Variants in C2orf81 observed in about 807,000 individuals in gnomAD.
C2orf81 encodes chromosome 2 open reading frame 81.
C2orf81 carries 5 observed loss-of-function variants against 7.9 expected under a neutral mutation model. That is an observed-to-expected ratio of 0.63 (90% confidence interval 0.33 to 1.33). The LOEUF (loss-of-function observed/expected upper bound fraction) is 1.33. Among genes scored for constraint, C2orf81 ranks in the 40% most tolerant of loss-of-function variants. C2orf81 has a pLI of 0.05. For missense variants in C2orf81, 781 were observed against 830.4 expected (o/e 0.94, Z 0.73); for synonymous variants, 346 against 367.4 (o/e 0.94, Z 0.66).
intron 1 of C2orf81, among the ~76,000 whole-genome samples, chr2:74,419,187 GA>G (rs556782931): frequency 5.7e-5 from 8 of 140,180 alleles, no homozygotes; most frequent in South Asian, 2.3e-4. Flanking sequence ...TCTCAAAAAA[GA>G]AAAAAAAAAC....
Position 74,414,609 on chromosome 2 carries a change from C to T in C2orf81, c.1568G>A (p.Arg523His), listed in dbSNP as rs369138816. 2.2e-5 allele frequency: 34 copies of T among 1,549,450 alleles called. No individual in the cohort carries two copies. In the African/African-American group the frequency reaches 4.0e-4, roughly 18 times the overall value. ...LLGELWAGRT[R>H]VPPQGLELAD... ...CAGCTCCAGACCCTGTGGAGGCACG[C>T]GGGTCCGGCCAGCCCACAGCTCGCC... The change falls in exon 3 of 3, where the codon CGC becomes CAC. Residue 523 changes from arginine (R) to histidine (H), a missense_variant. Coordinates refer to ENST00000684111, the MANE Select transcript of C2orf81 (RefSeq NM_001316764.3). This position sits in a 1 kb window ranked among gnomAD's most constrained non-coding sequence, Gnocchi z 5.3.
At chr2:74,419,939 T>C (rs552665325) in intron 1 of C2orf81, among the ~76,000 whole-genome samples, 29 of 152,184 alleles carry the variant, frequency 1.9e-4, no homozygotes, top group African/African-American at 6.3e-4. Flanking sequence ...GCCTGGCTAA[T>C]TTTTTTTCTA....
At chr2:74,420,079 A>T (rs1168431513) in intron 1 of C2orf81, among the ~76,000 whole-genome samples, 1 of 152,242 alleles carries the variant, frequency 6.6e-6, no homozygotes, top group Non-Finnish European at 1.5e-5. Context: ...AGAATTTGCA[A>T]TGGCATAAAG....
chr2:74,415,838 T>A lies in C2orf81; in HGVS notation c.339A>T (p.Ala113=), dbSNP rs1370982507. Residue 113 remains alanine, a synonymous_variant, in exon 3 of 3, where the codon GCA becomes GCT. Coordinates refer to ENST00000684111, the MANE Select transcript of C2orf81 (RefSeq NM_001316764.3). The surrounding 1 kb of genome is among the most constrained non-coding windows in gnomAD (Gnocchi z 5.5). Reference sequence around the variant, plus strand: ...CACCCCATGTGGGGTCCTCAGCTACTGCAGATTCTCCCTCGTCCCGGGCCA... The same window carrying A: ...CACCCCATGTGGGGTCCTCAGCTACAGCAGATTCTCCCTCGTCCCGGGCCA... ...RFLARDEGES[A]VAEDPTWGED... 2 of 1,551,514 alleles carry A rather than the reference T, an allele frequency of 1.3e-6. No homozygotes were observed. The highest frequency in any genetic ancestry group is 1.7e-4 in the Middle Eastern group (1 of 6,014).
chr2:74,415,754 C>G lies in C2orf81; in HGVS notation c.423G>C (p.Val141=), dbSNP rs1208862970. 6.4e-7 allele frequency: 1 copy of G among 1,551,500 alleles called. No homozygotes were observed. Among genetic ancestry groups the G allele is most frequent in the East Asian group, 2.4e-5 (1 of 40,936 alleles). ...TDSWAQGSVP[V]LHASTSEGLE... Reference sequence around the variant, plus strand: ...GGCCCTCCGAGGTGGACGCGTGCAGCACGGGCACTGAACCCTGAGCCCAGG... The same window carrying G: ...GGCCCTCCGAGGTGGACGCGTGCAGGACGGGCACTGAACCCTGAGCCCAGG... The change falls in exon 3 of 3, where the codon GTG becomes GTC. Residue 141 remains valine, a synonymous_variant. Coordinates refer to ENST00000684111, the MANE Select transcript of C2orf81 (RefSeq NM_001316764.3). This position sits in a 1 kb window ranked among gnomAD's most constrained non-coding sequence, Gnocchi z 5.5.
rs150192614 is a variant in C2orf81 at position 74,416,065 on chromosome 2, G to A, written c.195C>T (p.Ala65=). 3 of 1,549,364 alleles carry A rather than the reference G, an allele frequency of 1.9e-6. No individual in the cohort carries two copies. The highest frequency in any genetic ancestry group is 2.0e-5 in the Admixed American group (1 of 50,964). Residue 65 remains alanine, a synonymous_variant, in exon 2 of 3, where the codon GCC becomes GCT. Coordinates refer to ENST00000684111, the MANE Select transcript of C2orf81 (RefSeq NM_001316764.3). Reference sequence around the variant, plus strand: ...AGTCCATGACTCGAGCCAGCAAGTCGGCCAAGATGTCCCCTACGACGTCCT... The same window carrying A: ...AGTCCATGACTCGAGCCAGCAAGTCAGCCAAGATGTCCCCTACGACGTCCT... ...EGEDVVGDIL[A]DLLARVMDSA...
chr2:74,414,418 C>A lies in C2orf81; in HGVS notation c.1759G>T (p.Gly587Cys). ...TCTTTGTCCTCTTGTTCAGGCACAC[C>A]AGAGCTGAGCAACACCTGGGTGCTC... ...NRSTQVLLSS[G>C]VPEQEDKEGS... Residue 587 changes from glycine (G) to cysteine (C), a missense_variant, in exon 3 of 3, where the codon GGT becomes TGT. By Grantham distance (159) the Gly-to-Cys change is radical. Transcript: ENST00000684111. The surrounding 1 kb of genome is among the most constrained non-coding windows in gnomAD (Gnocchi z 5.3). 1 of 1,549,978 alleles carries A rather than the reference C, an allele frequency of 6.5e-7. No homozygotes were observed.
At position 74,416,227 on chromosome 2, in the gene C2orf81, C is replaced by T. The variant is rs1676465169; in HGVS notation, c.33G>A (p.Gln11=). MAHEGSRQER[Q]VRDRGVTRSK... is the part of the protein sequence containing the mutation. ...ACCGGGTCACCCCGCGGTCTCGGAC[C>T]TGCCTCTCCTGCCTCTGTGAGAACA... The change falls in exon 2 of 3, where the codon CAG becomes CAA. Residue 11 remains glutamine, a synonymous_variant. Transcript: ENST00000684111. The T allele has an allele frequency of 1.5e-6, 2 of 1,373,734 alleles. No homozygotes were observed. The highest frequency in any genetic ancestry group is 2.9e-5 in the African/African-American group (2 of 69,070). 85.1% of individuals were successfully genotyped at this position (1,373,734 alleles called of 1,614,324 possible).
intron 1 of C2orf81, among the ~76,000 whole-genome samples, chr2:74,419,591 C>A (rs1676546297): frequency 6.6e-6 from 1 of 152,104 alleles, no homozygotes; most frequent in South Asian, 2.1e-4. Flanking sequence ...AATTTCAGTT[C>A]TATAAATACA....
chr2:74,415,877 G>A lies in C2orf81; in HGVS notation c.300C>T (p.Thr100=), dbSNP rs1318867755. ...CGTCCCGGGCCAGGAAGCGCCACTC[G>A]GTGATCTGCAGCATGGCCTCCCGGG... ...SQAREAMLQI[T]EWRFLARDEG... Residue 100 remains threonine, a synonymous_variant, in exon 3 of 3, where the codon ACC becomes ACT. Coordinates refer to ENST00000684111, the MANE Select transcript of C2orf81 (RefSeq NM_001316764.3). This position sits in a 1 kb window ranked among gnomAD's most constrained non-coding sequence, Gnocchi z 5.5. 1.3e-6 allele frequency: 2 copies of A among 1,550,842 alleles called. No homozygotes were observed. The highest frequency in any genetic ancestry group is 2.4e-5 in the South Asian group (2 of 84,052).
chr2:74,415,437 G>A lies in C2orf81; in HGVS notation c.740C>T (p.Ser247Phe). ...GGPVEEADGQ[S>F]RGLSSAGSLS... is the part of the protein sequence containing the mutation. ...GGACCCGGCCGAGGAGAGGCCTCTAGACTGGCCGTCCGCTTCCTCTACAGG... is the reference window on the plus strand; with the variant it reads ...GGACCCGGCCGAGGAGAGGCCTCTAAACTGGCCGTCCGCTTCCTCTACAGG... Residue 247 changes from serine to phenylalanine, a missense_variant, in exon 3 of 3, where the codon TCT becomes TTT. Ser to Phe is a radical substitution (Grantham distance 155, BLOSUM62 -2). Coordinates refer to ENST00000684111, the MANE Select transcript of C2orf81 (RefSeq NM_001316764.3). This position sits in a 1 kb window ranked among gnomAD's most constrained non-coding sequence, Gnocchi z 5.5. 1 of 1,535,014 alleles carries A rather than the reference G, an allele frequency of 6.5e-7. No homozygotes were observed. Among genetic ancestry groups the A allele is most frequent in the Non-Finnish European group, 8.8e-7 (1 of 1,135,456 alleles).
chr2:74,414,739 G>A lies in C2orf81; in HGVS notation c.1438C>T (p.Leu480Phe), dbSNP rs372571894. 6.5e-7 allele frequency: 1 copy of A among 1,549,934 alleles called. No homozygotes were observed. Among genetic ancestry groups the A allele is most frequent in the African/African-American group, 1.4e-5 (1 of 73,052 alleles). The change falls in exon 3 of 3, where the codon CTC becomes TTC. Residue 480 changes from leucine to phenylalanine, a missense_variant. Physicochemically the swap from Leu to Phe is conservative, Grantham distance 22. Transcript: ENST00000684111. The surrounding 1 kb of genome is among the most constrained non-coding windows in gnomAD (Gnocchi z 5.3). ...TCAGGGAGCACCGGGTGTGTGGTGA[G>A]GAAGCGGATCCTGGAGTTTGGGAGT... is the stretch of plus-strand genomic sequence containing the variant. ...LPLPNSRIRF[L>F]TTHPVLPDVA...
At chr2:74,417,268 T>G in intron 1 of C2orf81, 1 of 748,590 alleles carries the variant, frequency 1.3e-6, no homozygotes. Flanking sequence ...GAGCTCCTTG[T>G]TATTGGTGCC....
chr2:74,419,382 A>G (rs1429076619), intron 1 of C2orf81, among the ~76,000 whole-genome samples: 1 of 152,188 alleles, frequency 6.6e-6, no homozygotes, highest in Non-Finnish European at 1.5e-5. Context: ...CCCAAAGATA[A>G]GCAAAGGACA....
chr2:74,418,648 C>A, intron 1 of C2orf81: 1 of 574,852 alleles, frequency 1.7e-6, no homozygotes, highest in Non-Finnish European at 3.1e-6. Flanking sequence ...GGCTCGGAGT[C>A]CCACTTAGAA....
At chr2:74,417,695 CT>C in intron 1 of C2orf81, 1 of 592,630 alleles carries the variant, frequency 1.7e-6, no homozygotes, top group Non-Finnish European at 2.7e-6. Context: ...GCTTGGGCCC[CT>C]TTTAAGACCA....
chr2:74,421,081 C>T (rs1676600711), intron 1 of C2orf81, among the ~76,000 whole-genome samples: 1 of 151,956 alleles, frequency 6.6e-6, no homozygotes, highest in Admixed American at 6.5e-5. Context: ...TGAGACCGGC[C>T]CCGTTTTCTT....
chr2:74,418,373 G>A (rs1336396781), intron 1 of C2orf81: 10 of 1,593,678 alleles, frequency 6.3e-6, no homozygotes, highest in South Asian at 3.3e-5. Flanking sequence ...CCACGGCCCC[G>A]CTTCTCAGTG....
intron 1 of C2orf81, chr2:74,417,356 G>C: frequency 7.6e-7 from 1 of 1,307,262 alleles, no homozygotes; most frequent in Non-Finnish European, 1.0e-6. Context: ...ACCTCAGGTA[G>C]CTGCCACAGG....
Sources: allele counts gnomAD v4.1 joint callset (sites outside exome capture counted in the v4.1 genomes callset), GRCh38; gene constraint gnomAD v4.1.1; non-coding constraint Gnocchi (gnomAD v3.1); transcripts MANE v1.5; gene names NCBI Gene and HGNC (gene_info 2026-07-23, HGNC 2026-07-21).